The following CORIN variants were observed in gnomAD, a reference collection of about 807,000 sequenced individuals.
The protein encoded by CORIN is atrial natriuretic peptide-converting enzyme.
CORIN carries 117 observed loss-of-function variants against 125.3 expected under a neutral mutation model. The observed-to-expected ratio is 0.93, with a 90% CI of 0.80 to 1.09. The LOEUF (loss-of-function observed/expected upper bound fraction) is 1.09. CORIN is among the 50% of genes least tolerant of loss of function. The probability of loss-of-function intolerance (pLI) is 0.00; values close to 1 mark genes in which losing one functional copy is unlikely to be tolerated. For missense variants in CORIN, 1,253 were observed against 1,306.7 expected (o/e 0.96, Z 0.63); for synonymous variants, 450 against 466.4 (o/e 0.96, Z 0.45).
chr4:47,815,751 AAG>A (rs1732238581), intron 1 of CORIN, among the ~76,000 whole-genome samples: 1 of 150,972 alleles, frequency 6.6e-6, no homozygotes, highest in Non-Finnish European at 1.5e-5. Flanking sequence ...TACGGGGGGA[AAG>A]AGAGTTGGGT....
intron 7 of CORIN, chr4:47,680,860 T>G (rs1018696050): frequency 6.6e-6 from 1 of 152,250 alleles, no homozygotes; most frequent in African/African-American, 2.4e-5. Context: ...CAGGTGATCC[T>G]CCCACCCCAG....
chr4:47,690,805 G>A (rs1725733087), intron 6 of CORIN, among the ~76,000 whole-genome samples: 1 of 152,164 alleles, frequency 6.6e-6, no homozygotes, highest in African/African-American at 2.4e-5. Context: ...GACAAAAGGA[G>A]TATGGCACCC....
At chr4:47,773,019 A>T (rs915740801) in intron 3 of CORIN, among the ~76,000 whole-genome samples, 19 of 151,888 alleles carry the variant, frequency 1.3e-4, no homozygotes, top group African/African-American at 4.1e-4. Context: ...GGGAGTTATA[A>T]TTTTTTTTTA....
chr4:47,717,781 C>A (rs565191321), intron 5 of CORIN, among the ~76,000 whole-genome samples: 3 of 151,592 alleles, frequency 2.0e-5, no homozygotes, highest in East Asian at 3.9e-4. Flanking sequence ...ATTTAAAGAC[C>A]GAAAAAAAGA....
intron 3 of CORIN, among the ~76,000 whole-genome samples, chr4:47,785,421 C>T (rs758706229): frequency 6.6e-6 from 1 of 152,214 alleles, no homozygotes; most frequent in African/African-American, 2.4e-5. Context: ...CACTTTCTGT[C>T]TTTTCTCTCT....
intron 13 of CORIN, among the ~76,000 whole-genome samples, chr4:47,647,716 G>A (rs1723549250): frequency 1.3e-5 from 2 of 152,184 alleles, no homozygotes; most frequent in African/African-American, 4.8e-5. Context: ...TGGGATCCAG[G>A]TACAAGTCAT....
chr4:47,804,196 C>T (rs1344207849), intron 2 of CORIN, among the ~76,000 whole-genome samples: 1 of 152,100 alleles, frequency 6.6e-6, no homozygotes, highest in African/African-American at 2.4e-5. Context: ...ATCCAAAAGA[C>T]AGGCAATAAC....
At chr4:47,714,365 G>A (rs909390063) in intron 5 of CORIN, among the ~76,000 whole-genome samples, 6 of 152,118 alleles carry the variant, frequency 3.9e-5, no homozygotes, top group African/African-American at 1.2e-4. Context: ...GGTAAAATAA[G>A]ATTCATTAGA....
chr4:47,730,589 C>T (rs1052660046), intron 5 of CORIN, among the ~76,000 whole-genome samples: 6 of 152,182 alleles, frequency 3.9e-5, no homozygotes, highest in African/African-American at 1.2e-4. Flanking sequence ...CAGGCCTCTG[C>T]ACCTGCCCAT....
At position 47,766,938 on chromosome 4, in the gene CORIN, C is replaced by T. The variant is rs375706880; in HGVS notation, c.410-3352G>A. ...CTCCAGTCTGAGCAAAAGAGCAAGA[C>T]TCTGTCTCAAAAAAAAAAAAAAAAA... On this transcript the variant is annotated intron_variant, in intron 3 of 21. Coordinates refer to ENST00000273857, the MANE Select transcript of CORIN (RefSeq NM_006587.4). Among the ~76,000 whole-genome samples, 661 of 137,356 alleles carry T rather than the reference C, an allele frequency of 4.8e-3. 6 individuals are homozygous for T. Among genetic ancestry groups the T allele is most frequent in the South Asian group, 0.017 (73 of 4,260 alleles). 90.1% of individuals were successfully genotyped at this position (137,356 alleles called of 152,430 possible). A position where few individuals can be genotyped will look rare whatever the true frequency, so the allele number is the denominator to read the frequency against.
chr4:47,600,936 A>G (rs566476592), intron 20 of CORIN, among the ~76,000 whole-genome samples: 2 of 152,362 alleles, frequency 1.3e-5, no homozygotes. Flanking sequence ...GAATATGTGA[A>G]TTCCATCTTG....
intron 19 of CORIN, among the ~76,000 whole-genome samples, chr4:47,621,921 C>T (rs964485389): frequency 2.0e-5 from 3 of 148,834 alleles, no homozygotes; most frequent in African/African-American, 7.4e-5. Flanking sequence ...CATATGTATA[C>T]ATGTGCCATG....
chr4:47,597,452 T>A (rs1721300211), intron 21 of CORIN, among the ~76,000 whole-genome samples: 1 of 152,110 alleles, frequency 6.6e-6, no homozygotes, highest in Admixed American at 6.5e-5. Flanking sequence ...TCCAATACCC[T>A]AAGCCAAAAT....
chr4:47,763,261 G>C lies in CORIN; in HGVS notation c.617+118C>G, dbSNP rs902176303. ...TTTTCAAAGAATTAGAACTAGCCAT[G>C]ACTAATGTGGCTAATAACAACCAAA... On this transcript the variant is annotated intron_variant, in intron 4 of 21. Coordinates refer to ENST00000273857, the MANE Select transcript of CORIN (RefSeq NM_006587.4). 1.6e-5 allele frequency: 11 copies of C among 707,406 alleles called. No individual in the cohort carries two copies. The East Asian group carries it at 3.0e-4, about 19-fold the overall frequency. 43.8% of individuals were successfully genotyped at this position (707,406 alleles called of 1,614,324 possible).
At chr4:47,701,591 T>G (rs954817678) in intron 5 of CORIN, among the ~76,000 whole-genome samples, 2 of 152,144 alleles carry the variant, frequency 1.3e-5, no homozygotes, top group Non-Finnish European at 2.9e-5. Flanking sequence ...GTAAATAGAA[T>G]TTAGAAAGCA....
chr4:47,769,211 A>G (rs2062816950), intron 3 of CORIN, among the ~76,000 whole-genome samples: 1 of 152,156 alleles, frequency 6.6e-6, no homozygotes, highest in African/African-American at 2.4e-5. Flanking sequence ...AAATAAAAAT[A>G]AACCAGTTCT....
chr4:47,698,604 C>A (rs990667765), intron 5 of CORIN, among the ~76,000 whole-genome samples: 6 of 152,142 alleles, frequency 3.9e-5, no homozygotes, highest in African/African-American at 1.2e-4. Context: ...GTGGCATGAT[C>A]TGACTGAAAT....
At chr4:47,689,205 G>T (rs1368248106) in intron 6 of CORIN, among the ~76,000 whole-genome samples, 1 of 152,302 alleles carries the variant, frequency 6.6e-6, no homozygotes, top group East Asian at 1.9e-4. Context: ...CAACAGTCAC[G>T]ACCGCAAATC....
At chr4:47,646,399 G>T (rs1313001160) in intron 13 of CORIN, among the ~76,000 whole-genome samples, 2 of 152,306 alleles carry the variant, frequency 1.3e-5, no homozygotes, top group African/African-American at 4.8e-5. Flanking sequence ...ATTAATAAGA[G>T]AAATGAATAT....
Sources: gnomAD v4.1 joint callset for allele counts (sites outside exome capture counted in the v4.1 genomes callset) on GRCh38, gnomAD v4.1.1 for gene constraint, MANE v1.5 for transcripts, NCBI Gene and HGNC (gene_info 2026-07-23, HGNC 2026-07-21) for gene names.